The following LRBA variants were observed in gnomAD, a reference collection of about 807,000 sequenced individuals.
The protein encoded by LRBA is lipopolysaccharide-responsive and beige-like anchor protein.
Under a neutral mutation model 330.0 loss-of-function variants are expected in LRBA, and 176 were observed. The observed-to-expected ratio is 0.53, with a 90% CI of 0.47 to 0.60. The LOEUF (loss-of-function observed/expected upper bound fraction) is 0.60. Ranked by LOEUF, LRBA falls within the 20% of genes least tolerant of loss-of-function variation. LRBA has a pLI of 0.00. For missense variants in LRBA, 3,259 were observed against 3,444.8 expected (o/e 0.95, Z 1.35); for synonymous variants, 1,230 against 1,193.0 (o/e 1.03, Z -0.64).
chr4:150,931,567 T>C (rs1405498653), intron 2 of LRBA, among the ~76,000 whole-genome samples: 1 of 148,846 alleles, frequency 6.7e-6, no homozygotes, highest in African/African-American at 2.5e-5. Flanking sequence ...TTGAGACCAG[T>C]CTGGCAACAC....
intron 22 of LRBA, among the ~76,000 whole-genome samples, chr4:150,862,922 T>A (rs1752145187): frequency 6.6e-6 from 1 of 151,996 alleles, no homozygotes; most frequent in South Asian, 2.1e-4. Context: ...GAGGTTTCAG[T>A]GAGCCAAGAT....
intron 37 of LRBA, 90 bp from the exon 38 acceptor site, chr4:150,599,221 C>T: frequency 6.9e-7 from 1 of 1,441,130 alleles, no homozygotes; most frequent in Admixed American, 2.0e-5. Flanking sequence ...CTTGTTTGCT[C>T]TGCCTTTTTT....
At chr4:150,510,320 C>A (rs986420465) in intron 40 of LRBA, among the ~76,000 whole-genome samples, 3 of 152,154 alleles carry the variant, frequency 2.0e-5, no homozygotes, top group Admixed American at 6.5e-5. Flanking sequence ...AAACTCTATA[C>A]AAACTTGTCC....
At chr4:150,423,140 A>C in intron 46 of LRBA, 1 of 1,010,570 alleles carries the variant, frequency 9.9e-7, no homozygotes, top group East Asian at 2.4e-5. Context: ...CCACCACCAA[A>C]GTACAGGACC....
At position 150,369,248 on chromosome 4, in the gene LRBA, C is replaced by T. The variant is rs111975363; in HGVS notation, c.7195-19089G>A. Among the ~76,000 whole-genome samples, 1,004 of 152,226 alleles carry T rather than the reference C, an allele frequency of 6.6e-3. 10 individuals are homozygous for T. Among genetic ancestry groups the T allele is most frequent in the African/African-American group, 0.023 (960 of 41,548 alleles). On this transcript the variant is annotated intron_variant, in intron 47 of 56. Transcript: ENST00000651943. ...GTCTTTTAACTATCTCATTCTTTCTCTTCTCCATGGACATCATGTTTTGCA... is the reference window on the plus strand; with the variant it reads ...GTCTTTTAACTATCTCATTCTTTCTTTTCTCCATGGACATCATGTTTTGCA...
intron 34 of LRBA, among the ~76,000 whole-genome samples, chr4:150,794,676 A>G (rs1268510170): frequency 1.3e-5 from 2 of 152,158 alleles, no homozygotes; most frequent in Non-Finnish European, 1.5e-5. Flanking sequence ...AACAATCTAC[A>G]TATTTTGTTG....
intron 38 of LRBA, among the ~76,000 whole-genome samples, chr4:150,594,017 T>C (rs1773198893): frequency 6.6e-6 from 1 of 152,130 alleles, no homozygotes; most frequent in South Asian, 2.1e-4. Flanking sequence ...TGAATTAAAG[T>C]TTCATTAAAA....
chr4:150,639,855 ATATATATATATATATATT>A (rs1778486100), intron 37 of LRBA, among the ~76,000 whole-genome samples: 7 of 77,456 alleles, frequency 9.0e-5, no homozygotes, highest in African/African-American at 3.4e-4. Flanking sequence ...ATATATATAT[ATATATATATATATATATT>A]TAGATGGAGT....
chr4:150,527,657 T>C (rs908659876), intron 40 of LRBA, among the ~76,000 whole-genome samples: 1 of 152,208 alleles, frequency 6.6e-6, no homozygotes, highest in Non-Finnish European at 1.5e-5. Flanking sequence ...TACTGGAAAC[T>C]GCTTATTTTT....
At chr4:150,786,244 T>G (rs1350070565) in intron 34 of LRBA, among the ~76,000 whole-genome samples, 3 of 149,296 alleles carry the variant, frequency 2.0e-5, no homozygotes, top group African/African-American at 7.4e-5. Context: ...GACTTTTGCA[T>G]TTTGCATTTC....
chr4:150,745,348 T>G (rs1377659119), intron 35 of LRBA, among the ~76,000 whole-genome samples: 4 of 151,778 alleles, frequency 2.6e-5, no homozygotes, highest in Non-Finnish European at 5.9e-5. Flanking sequence ...TGCTATCATA[T>G]CTCTATAGAA....
intron 2 of LRBA, among the ~76,000 whole-genome samples, chr4:150,975,979 T>C (rs867520606): frequency 1.3e-5 from 2 of 151,834 alleles, no homozygotes; most frequent in Non-Finnish European, 2.9e-5. Context: ...CTGGCCAACA[T>C]AGTGAAACCC....
intron 2 of LRBA, among the ~76,000 whole-genome samples, chr4:150,963,897 G>A (rs1231775102): frequency 1.4e-5 from 2 of 147,914 alleles, no homozygotes; most frequent in Non-Finnish European, 2.9e-5. Flanking sequence ...GATGTGGGGA[G>A]CGCCTGTGCC....
intron 8 of LRBA, 58 bp from the exon 9 acceptor site, chr4:150,914,399 TA>T: frequency 8.4e-7 from 1 of 1,193,394 alleles, no homozygotes; most frequent in Non-Finnish European, 1.2e-6. Flanking sequence ...CCAGAAATAA[TA>T]AAAACCTATA....
At chr4:150,889,003 C>G (rs1157826033) in intron 17 of LRBA, among the ~76,000 whole-genome samples, 2 of 152,156 alleles carry the variant, frequency 1.3e-5, no homozygotes, top group East Asian at 3.9e-4. Flanking sequence ...TGTCTCAACT[C>G]AGAAGAGTAG....
chr4:150,455,651 T>C (rs1267190160), intron 44 of LRBA, among the ~76,000 whole-genome samples: 1 of 152,182 alleles, frequency 6.6e-6, no homozygotes, highest in East Asian at 1.9e-4. Context: ...CAAGCATTTA[T>C]CCCTTGTGTT....
At chr4:151,005,947 T>C (rs1223132411) in intron 2 of LRBA, among the ~76,000 whole-genome samples, 1 of 151,548 alleles carries the variant, frequency 6.6e-6, no homozygotes, top group Non-Finnish European at 1.5e-5. Flanking sequence ...TAATTCAAAA[T>C]TGTACAATGA....
chr4:150,489,472 TTA>T (rs1289091032), intron 41 of LRBA, among the ~76,000 whole-genome samples: 2 of 44,798 alleles, frequency 4.5e-5, no homozygotes, highest in African/African-American at 1.0e-4. Context: ...ATAAAATATA[TTA>T]TATATAAGAA....
At chr4:150,493,777 G>C (rs554141019) in intron 40 of LRBA, among the ~76,000 whole-genome samples, 1 of 152,248 alleles carries the variant, frequency 6.6e-6, no homozygotes, top group South Asian at 2.1e-4. Context: ...TCCAATATAT[G>C]TTCTGCAACA....
Sources: allele counts gnomAD v4.1 joint callset (sites outside exome capture counted in the v4.1 genomes callset), GRCh38; gene constraint gnomAD v4.1.1; transcripts MANE v1.5; gene names NCBI Gene and HGNC (gene_info 2026-07-23, HGNC 2026-07-21).